The following DCP1B variants were observed in gnomAD, a reference collection of about 807,000 sequenced individuals.
DCP1B encodes the protein mRNA-decapping enzyme 1B.
Under a neutral mutation model 60.5 loss-of-function variants are expected in DCP1B, and 47 were observed. The ratio of observed to expected loss-of-function variants is 0.78; its 90% CI spans 0.61 to 0.99. The LOEUF (loss-of-function observed/expected upper bound fraction) is 0.99. Ranked by LOEUF, DCP1B falls within the 50% of genes least tolerant of loss-of-function variation. The pLI, the probability that DCP1B is intolerant of heterozygous loss-of-function variation, is 0.00. For synonymous variants in DCP1B, 267 were observed against 280.3 expected (o/e 0.95, Z 0.47); for missense variants, 725 against 756.8 (o/e 0.96, Z 0.49).
chr12:1,959,098 C>T (rs1182171384), intron 5 of DCP1B, among the ~76,000 whole-genome samples: 4 of 151,412 alleles, frequency 2.6e-5, no homozygotes, highest in African/African-American at 9.7e-5. Context: ...AGGGGGAAAG[C>T]TCCCCAACGT....
chr12:1,979,281 T>C (rs973108086), intron 3 of DCP1B, among the ~76,000 whole-genome samples: 3 of 151,580 alleles, frequency 2.0e-5, no homozygotes, highest in African/African-American at 7.3e-5. Context: ...CCCAAAGTGT[T>C]GGGATTACAA....
intron 3 of DCP1B, among the ~76,000 whole-genome samples, chr12:1,980,429 C>T (rs61908032): frequency 0.022 from 3,387 of 152,062 alleles, 41 homozygotes; most frequent in Middle Eastern, 0.061. Context: ...GTTGGCTTGT[C>T]TTTCTGTTGT....
intron 5 of DCP1B, among the ~76,000 whole-genome samples, chr12:1,960,024 G>A (rs185468097): frequency 1.9e-3 from 281 of 151,798 alleles, no homozygotes; most frequent in African/African-American, 6.1e-3. Flanking sequence ...CCACATGATC[G>A]AAGAATCCCA....
chr12:1,967,859 G>A lies in DCP1B; in HGVS notation c.371C>T (p.Ala124Val). The stretch of plus-strand genomic sequence containing the variant: ...TAGTACTTACTTTTTCATAAGCTCT[G>A]CAATTCTTTGGCATTCTTCCTTATC... ...FYDKEECQRI[A>V]ELMKNLTQYE... Residue 124 changes from alanine to valine, a missense_variant, in exon 4 of 9, where the codon GCA becomes GTA. Transcript: ENST00000280665. 6.2e-7 allele frequency: 1 copy of A among 1,612,540 alleles called. No homozygotes were observed. The highest frequency in any genetic ancestry group is 1.1e-5 in the South Asian group (1 of 90,858).
At position 2,004,092 on chromosome 12, in the gene DCP1B, C is replaced by G. The variant is rs2154480173; in HGVS notation, c.150+190G>C. On this transcript the variant is annotated intron_variant, in intron 1 of 8. Coordinates refer to ENST00000280665, the MANE Select transcript of DCP1B (RefSeq NM_152640.5). ...TCTTTTCCCCAACTCCAGGTAGCTC[C>G]ACAGATCCGCCTTCCTTCCCCCAAA... The G allele has an allele frequency of 2.6e-6, 2 of 772,918 alleles. 1 individual carries two copies. Among genetic ancestry groups the G allele is most frequent in the East Asian group, 5.5e-5 (2 of 36,692 alleles). 47.9% of individuals were successfully genotyped at this position (772,918 alleles called of 1,614,324 possible).
At chr12:1,977,236 T>A (rs1366365166) in intron 3 of DCP1B, among the ~76,000 whole-genome samples, 1 of 152,174 alleles carries the variant, frequency 6.6e-6, no homozygotes, top group Non-Finnish European at 1.5e-5. Flanking sequence ...AGGAGAAAGC[T>A]TAAAAAGCAC....
At position 1,955,866 on chromosome 12, in the gene DCP1B, C is replaced by T. The variant is rs112591145; in HGVS notation, c.523-306G>A. On this transcript the variant is annotated intron_variant, in intron 5 of 8. Transcript: ENST00000280665. ...TTCTGTGCTTAATATATTGACTATA[C>T]GTTTAAATATATATAGTCTAATGTC... is the stretch of plus-strand genomic sequence containing the variant. Among the ~76,000 whole-genome samples the T allele has an allele frequency of 3.6e-4, 54 of 152,078 alleles. 1 individual carries two copies. Among genetic ancestry groups the T allele is most frequent in the African/African-American group, 1.3e-3 (53 of 41,396 alleles).
intron 7 of DCP1B, 98 bp downstream of exon 7, chr12:1,952,318 C>T (rs1455929884): frequency 8.6e-6 from 12 of 1,398,496 alleles, no homozygotes; most frequent in East Asian, 4.8e-5. Flanking sequence ...GTGCTATAGG[C>T]GTGTGACACC....
Position 1,971,227 on chromosome 12 carries a change from G to C in DCP1B, c.320-3317C>G. 1 of 1,246,148 alleles carries C rather than the reference G, an allele frequency of 8.0e-7. No homozygotes were observed. The highest frequency in any genetic ancestry group is 1.3e-5 in the South Asian group (1 of 79,658). 77.2% of individuals were successfully genotyped at this position (1,246,148 alleles called of 1,614,324 possible). On this transcript the variant is annotated intron_variant, in intron 3 of 8. Coordinates refer to ENST00000280665, the MANE Select transcript of DCP1B (RefSeq NM_152640.5). This position sits in a 1 kb window ranked among gnomAD's most constrained non-coding sequence, Gnocchi z 4.2. ...GTAAGAAACCCTAAAGTGAAATAAA[G>C]AGTAGGAAGAACATGTTGAAATTTA...
Position 1,971,527 on chromosome 12 carries a change from C to T in DCP1B, c.320-3617G>A, listed in dbSNP as rs907637837. 5.3e-5 allele frequency among the ~76,000 whole-genome samples: 8 copies of T among 152,174 alleles called. No individual in the cohort carries two copies. The highest frequency in any genetic ancestry group is 1.2e-4 in the Non-Finnish European group (8 of 68,032). ...AAGGAGATCAAAATTTCCATATAGACTTCATGTCTGGATTTTTTAGGTCCA... is the reference window on the plus strand; with the variant it reads ...AAGGAGATCAAAATTTCCATATAGATTTCATGTCTGGATTTTTTAGGTCCA... On this transcript the variant is annotated intron_variant, in intron 3 of 8. Coordinates refer to ENST00000280665, the MANE Select transcript of DCP1B (RefSeq NM_152640.5). This position sits in a 1 kb window ranked among gnomAD's most constrained non-coding sequence, Gnocchi z 4.2.
rs1270768157 is a variant in DCP1B, at chr12:1,998,012, T to C, written c.151-37A>G. On this transcript the variant is annotated intron_variant, in intron 1 of 8. Transcript: ENST00000280665. ...AAACAAAACACACAAGACATGTATG[T>C]TCTCTTCAATTCACAAAGGTATAAA... The C allele has an allele frequency of 1.9e-6, 3 of 1,564,600 alleles. No individual in the cohort carries two copies. In the Admixed American group the frequency reaches 5.8e-5, roughly 30 times the overall value.
chr12:1,952,615 C>G lies in DCP1B; in HGVS notation c.1325G>C (p.Gly442Ala). The change falls in exon 7 of 9, where the codon GGC becomes GCC. Residue 442 changes from glycine to alanine, a missense_variant. Gly to Ala is a moderately conservative substitution (Grantham distance 60). Coordinates refer to ENST00000280665, the MANE Select transcript of DCP1B (RefSeq NM_152640.5). ...QTLPISGSQTGSSGVISPQEL... is the reference protein window; with the variant it reads ...QTLPISGSQTASSGVISPQEL... Reference sequence around the variant, plus strand: ...TTGAGGGGAGATCACTCCAGAGCTGCCAGTCTGACTACCAGAGATGGGGAG... The same window carrying G: ...TTGAGGGGAGATCACTCCAGAGCTGGCAGTCTGACTACCAGAGATGGGGAG... The G allele has an allele frequency of 6.2e-7, 1 of 1,614,144 alleles. No individual in the cohort carries two copies. The highest frequency in any genetic ancestry group is 8.5e-7 in the Non-Finnish European group (1 of 1,180,022).
chr12:1,993,127 A>G (rs779302488), intron 3 of DCP1B, 137 bp downstream of exon 3: 7 of 1,149,128 alleles, frequency 6.1e-6, no homozygotes, highest in Non-Finnish European at 7.9e-6. Flanking sequence ...TTTCCTAAAC[A>G]TTAACATTTG....
chr12:1,983,204 T>A (rs1016473988), intron 3 of DCP1B, among the ~76,000 whole-genome samples: 1 of 148,844 alleles, frequency 6.7e-6, no homozygotes, highest in Admixed American at 6.7e-5. Context: ...AGGTTTTGGT[T>A]TCACTAATTT....
At chr12:2,001,633 G>A (rs566240749) in intron 1 of DCP1B, among the ~76,000 whole-genome samples, 1 of 152,152 alleles carries the variant, frequency 6.6e-6, no homozygotes, top group Non-Finnish European at 1.5e-5. Flanking sequence ...CATGTAGCAC[G>A]TGAGTCACCT....
In DCP1B at chr12:1,953,035, G is replaced by A. The variant is rs766188295; in HGVS notation, c.905C>T (p.Ala302Val). The part of the protein sequence containing the change: ...PAIQKLMVRS[A>V]DLHPLSELPE... The stretch of plus-strand genomic sequence containing the variant: ...CAGCTCTGACAATGGGTGGAGGTCT[G>A]CGCTCCTGACCATGAGTTTCTGAAT... Residue 302 changes from alanine to valine, a missense_variant, in exon 7 of 9, where the codon GCA becomes GTA. Transcript: ENST00000280665. The A allele has an allele frequency of 1.2e-6, 2 of 1,614,172 alleles. No homozygotes were observed. Among genetic ancestry groups the A allele is most frequent in the South Asian group, 1.1e-5 (1 of 91,082 alleles).
chr12:1,995,495 T>C (rs968320360), intron 2 of DCP1B, among the ~76,000 whole-genome samples: 2 of 152,272 alleles, frequency 1.3e-5, no homozygotes, highest in Non-Finnish European at 2.9e-5. Flanking sequence ...CCAACGGTTC[T>C]TGGGTACTCC....
intron 3 of DCP1B, chr12:1,991,979 T>C: frequency 4.5e-6 from 1 of 220,414 alleles, no homozygotes; most frequent in Non-Finnish European, 9.8e-6. Context: ...AATCTAATAA[T>C]CTCAAAAAAA....
chr12:1,949,130 G>C lies in DCP1B; in HGVS notation c.1729C>G (p.Leu577Val), dbSNP rs776011833. The C allele has an allele frequency of 3.1e-6, 5 of 1,614,160 alleles. No individual in the cohort carries two copies. Among genetic ancestry groups the C allele is most frequent in the Non-Finnish European group, 3.4e-6 (4 of 1,180,014 alleles). ...GCCTCCTGGAGCTGGAGCTTGGTGA[G>C]TGGGCTGCTGGTGATCACGGAGGGC... is the stretch of plus-strand genomic sequence containing the variant. ...PEPSVITSSP[L>V]TKLQLQEALL... Residue 577 changes from leucine (L) to valine (V), a missense_variant, in exon 8 of 9, where the codon CTC (leucine) becomes GTC (valine). Leu to Val is a conservative substitution (Grantham distance 32). Transcript: ENST00000280665.
Sources: allele counts gnomAD v4.1 joint callset (sites outside exome capture counted in the v4.1 genomes callset), GRCh38; gene constraint gnomAD v4.1.1; non-coding constraint Gnocchi (gnomAD v3.1); transcripts MANE v1.5; gene names NCBI Gene and HGNC (gene_info 2026-07-23, HGNC 2026-07-21).